The following ITPR3 variants were observed in gnomAD, a reference collection of about 807,000 sequenced individuals.
ITPR3 encodes inositol 1,4,5-trisphosphate receptor type 3, also known as inositol 1,4,5-trisphosphate-gated calcium channel ITPR3.
ITPR3 carries 173 observed loss-of-function variants against 293.2 expected under a neutral mutation model. The observed-to-expected ratio is 0.59, with a 90% CI of 0.52 to 0.67. The LOEUF (loss-of-function observed/expected upper bound fraction) is 0.67, where lower values mean the gene tolerates loss of function less well. Ranked by LOEUF, ITPR3 falls within the 30% of genes least tolerant of loss-of-function variation. The pLI is 0.00. For synonymous variants in ITPR3, 1,295 were observed against 1,444.4 expected (o/e 0.90, Z 2.35); for missense variants, 2,796 against 3,592.1 (o/e 0.78, Z 5.66).
chr6:33,665,029 C>T (rs1414503832), intron 12 of ITPR3, 24 bp from the exon 13 acceptor site: 3 of 1,613,506 alleles, frequency 1.9e-6, no homozygotes, highest in East Asian at 4.5e-5. Flanking sequence ...TTCCCAGGTG[C>T]CCTGCTGACC....
intron 1 of ITPR3, among the ~76,000 whole-genome samples, chr6:33,637,531 C>T (rs1388660531): frequency 1.3e-5 from 2 of 152,080 alleles, no homozygotes; most frequent in African/African-American, 2.4e-5. Flanking sequence ...TGCAATGGCT[C>T]GATCTCAGCA....
Position 33,682,561 on chromosome 6 carries a change from C to T in ITPR3, c.4514C>T (p.Thr1505Ile). The change falls in exon 34 of 58, where the codon ACC (threonine) becomes ATC (isoleucine). Residue 1505 changes from threonine (T) to isoleucine (I), a missense_variant. Coordinates refer to ENST00000605930, the MANE Select transcript of ITPR3 (RefSeq NM_002224.4). The surrounding 1 kb of genome is among the most constrained non-coding windows in gnomAD (Gnocchi z 5.4). ...ATTGTGGTGCAGCTGCTGCAGTCTA[C>T]CACACGCCTCCTCGAGTGTCCGTGG... ...QTIVVQLLQS[T>I]TRLLECPWLQ... 6.3e-7 allele frequency: 1 copy of T among 1,582,970 alleles called. No individual in the cohort carries two copies. Among genetic ancestry groups the T allele is most frequent in the Non-Finnish European group, 8.6e-7 (1 of 1,163,716 alleles).
intron 1 of ITPR3, among the ~76,000 whole-genome samples, chr6:33,623,601 C>T (rs1200496978): frequency 2.6e-5 from 4 of 152,008 alleles, no homozygotes; most frequent in African/African-American, 9.7e-5. Context: ...GTGCGTGAAC[C>T]ACCGTGCCCT....
chr6:33,687,131 G>T lies in ITPR3; in HGVS notation c.6075+27G>T. 5.6e-6 allele frequency: 9 copies of T among 1,610,734 alleles called. No homozygotes were observed. The highest frequency in any genetic ancestry group is 7.6e-6 in the Non-Finnish European group (9 of 1,177,504). The stretch of plus-strand genomic sequence containing the variant: ...TGAGGCTGGGCAGGTGGGCAGGCGG[G>T]CGGAACCAGGTGGAGTGTGTTGGGA... On this transcript the variant is annotated intron_variant, in intron 44 of 57. Transcript: ENST00000605930. The surrounding 1 kb of genome is among the most constrained non-coding windows in gnomAD (Gnocchi z 5.3).
intron 22 of ITPR3, among the ~76,000 whole-genome samples, chr6:33,673,132 G>A (rs542094469): frequency 6.6e-6 from 1 of 152,290 alleles, no homozygotes; most frequent in Non-Finnish European, 1.5e-5. Flanking sequence ...GCATCCTCAC[G>A]TCTGCCCCAC....
In ITPR3 at chr6:33,680,588, C is replaced by T; in HGVS notation, c.4384C>T (p.Pro1462Ser). The T allele has an allele frequency of 6.2e-7, 1 of 1,614,062 alleles. No homozygotes were observed. The highest frequency in any genetic ancestry group is 8.5e-7 in the Non-Finnish European group (1 of 1,179,982). ...CSKREKRVAD[P>S]TLEKYVLSVV... ...CAAGCGTGAGAAGCGCGTGGCTGAC[C>T]CCACCTTGGAGAAGTACGTGCTGAG... is the stretch of plus-strand genomic sequence containing the variant. Residue 1462 changes from proline (P) to serine (S), a missense_variant, in exon 33 of 58, where the codon CCC becomes TCC. Physicochemically the swap from Pro to Ser is moderately conservative, Grantham distance 74. Transcript: ENST00000605930.
Position 33,688,748 on chromosome 6 carries a change from T to G in ITPR3, c.6661T>G (p.Phe2221Val), listed in dbSNP as rs1412991860. Residue 2221 changes from phenylalanine to valine, a missense_variant, in exon 49 of 58, where the codon TTC becomes GTC. Coordinates refer to ENST00000605930, the MANE Select transcript of ITPR3 (RefSeq NM_002224.4). ...LAVFINIIIA[F>V]FYPYMEGAST... ...CGTGTTTATCAACATCATCATTGCC[T>G]TCTTCTACCCTTACATGGAGGGCGC... 3 of 1,614,196 alleles carry G rather than the reference T, an allele frequency of 1.9e-6. No individual in the cohort carries two copies. The highest frequency in any genetic ancestry group is 2.5e-6 in the Non-Finnish European group (3 of 1,180,026).
chr6:33,644,256 C>T (rs980852175), intron 2 of ITPR3, among the ~76,000 whole-genome samples: 6 of 151,992 alleles, frequency 3.9e-5, no homozygotes, highest in Non-Finnish European at 8.8e-5. Flanking sequence ...TTGTCAAATC[C>T]TTTTTGCTAC....
intron 49 of ITPR3, 134 bp from the exon 50 acceptor site, chr6:33,689,104 G>A (rs1466182734): frequency 1.9e-6 from 2 of 1,039,366 alleles, no homozygotes; most frequent in Non-Finnish European, 1.4e-6. Context: ...TGTAATGGAG[G>A]AGGCTAAAAC....
At chr6:33,671,999 T>TGGCAACCTCCTC in intron 21 of ITPR3, 30 bp from the exon 22 acceptor site, 1 of 1,571,030 alleles carries the variant, frequency 6.4e-7, no homozygotes, top group South Asian at 1.2e-5. Context: ...ACAACCTCCT[T>TGGCAACCTCCTC]GGCAACCTCC....
chr6:33,644,942 G>A (rs1051983816), intron 2 of ITPR3, among the ~76,000 whole-genome samples: 1 of 151,366 alleles, frequency 6.6e-6, no homozygotes, highest in Admixed American at 6.6e-5. Flanking sequence ...GGGATTACAG[G>A]TATGAGCCAC....
At chr6:33,657,266 G>T (rs779753931) in intron 3 of ITPR3, among the ~76,000 whole-genome samples, 13 of 152,206 alleles carry the variant, frequency 8.5e-5, no homozygotes, top group Non-Finnish European at 1.8e-4. Flanking sequence ...CTGGTAAGGA[G>T]GCAGGGCACC....
chr6:33,637,835 G>A (rs1453108465), intron 1 of ITPR3, among the ~76,000 whole-genome samples: 1 of 148,876 alleles, frequency 6.7e-6, no homozygotes, highest in Non-Finnish European at 1.5e-5. Context: ...TTTTAGTAGA[G>A]ATGGAGATTC....
rs754604438 is a variant in ITPR3, at chr6:33,669,090, T to C, written c.2123T>C (p.Val708Ala). 2 of 1,614,142 alleles carry C rather than the reference T, an allele frequency of 1.2e-6. No homozygotes were observed. Among genetic ancestry groups the C allele is most frequent in the Non-Finnish European group, 1.7e-6 (2 of 1,180,018 alleles). The change falls in exon 18 of 58, where the codon GTG (valine) becomes GCG (alanine). Residue 708 changes from valine (V) to alanine (A), a missense_variant. By Grantham distance (64) the Val-to-Ala change is moderately conservative (BLOSUM62 0). Around this residue, in one of 8 missense-constraint regions of ITPR3, gnomAD observed 955 missense variants for 1,180.8 expected, o/e 0.81. Coordinates refer to ENST00000605930, the MANE Select transcript of ITPR3 (RefSeq NM_002224.4). ...DKNNEHHEKS[V>A]RQLAQEARAG... ...AATAACGAGCATCATGAGAAGAGTG[T>C]GAGGCAGCTGGCCCAGGAGGCGCGG...
chr6:33,693,777 G>C, intron 56 of ITPR3, 72 bp downstream of exon 56: 4 of 1,547,790 alleles, frequency 2.6e-6, no homozygotes, highest in Non-Finnish European at 3.5e-6. Context: ...TGCACCAGAG[G>C]CCTCATGGTT....
At position 33,680,145 on chromosome 6, in the gene ITPR3, G is replaced by A; in HGVS notation, c.4224+12G>A. 1 of 1,609,572 alleles carries A rather than the reference G, an allele frequency of 6.2e-7. No individual in the cohort carries two copies. On this transcript the variant is annotated intron_variant, in intron 31 of 57. Coordinates refer to ENST00000605930, the MANE Select transcript of ITPR3 (RefSeq NM_002224.4). ...ACTGCATCACTGAGGTGGGGATCGG[G>A]AGACTGGGCAAGACGGCTGGAGATG...
chr6:33,684,778 G>A lies in ITPR3; in HGVS notation c.5142G>A (p.Leu1714=). 1.2e-6 allele frequency: 2 copies of A among 1,611,618 alleles called. No homozygotes were observed. Among genetic ancestry groups the A allele is most frequent in the Non-Finnish European group, 1.7e-6 (2 of 1,178,418 alleles). ...TCAACCGAGTCCCGCCTCCAGGCCT[G>A]GACCCAGACTGGTCGGCAATCGCAG... ...GDLPDPIGTG[L]DPDWSAIAAT... The change falls in exon 39 of 58, where the codon CTG becomes CTA. Residue 1714 remains leucine, a synonymous_variant. Coordinates refer to ENST00000605930, the MANE Select transcript of ITPR3 (RefSeq NM_002224.4). This position sits in a 1 kb window ranked among gnomAD's most constrained non-coding sequence, Gnocchi z 4.2.
chr6:33,648,930 C>T (rs540363096), intron 2 of ITPR3, among the ~76,000 whole-genome samples: 1 of 150,756 alleles, frequency 6.6e-6, no homozygotes, highest in Non-Finnish European at 1.5e-5. Context: ...GACGGAGTCT[C>T]GCTCTGTCTT....
rs759731389 is a variant in ITPR3, at chr6:33,679,995, C to T, written c.4086C>T (p.Leu1362=). ...ACGGCGTGGAGGACCACAGCCCCCT[C>T]ATGTACCACATTTCCCTGGTGGACC... The part of the protein sequence containing the change: ...ARDGVEDHSP[L]MYHISLVDLL... Residue 1362 remains leucine, a synonymous_variant, in exon 31 of 58, where the codon CTC becomes CTT. Coordinates refer to ENST00000605930, the MANE Select transcript of ITPR3 (RefSeq NM_002224.4). This position sits in a 1 kb window ranked among gnomAD's most constrained non-coding sequence, Gnocchi z 4.2. The T allele has an allele frequency of 2.5e-6, 4 of 1,613,842 alleles. No individual in the cohort carries two copies. In the African/African-American group the frequency reaches 4.0e-5, roughly 16 times the overall value.
Sources: gnomAD v4.1 joint callset for allele counts (sites outside exome capture counted in the v4.1 genomes callset) on GRCh38, gnomAD v4.1.1 for gene constraint, gnomAD v4.1.1 regional missense constraint, Gnocchi (gnomAD v3.1) non-coding constraint, MANE v1.5 for transcripts, NCBI Gene and HGNC (gene_info 2026-07-23, HGNC 2026-07-21) for gene names.